CDH12: variants seen among roughly 807,000 people sequenced by gnomAD.
The protein encoded by CDH12 is cadherin-12.
In CDH12, 41 loss-of-function variants were observed where a neutral mutation model predicts 74.1. That is an observed-to-expected ratio of 0.55 (90% confidence interval 0.43 to 0.72). The LOEUF (loss-of-function observed/expected upper bound fraction) is 0.72, where lower values mean the gene tolerates loss of function less well. CDH12 is among the 30% of genes least tolerant of loss of function. CDH12 has a pLI of 0.00. For synonymous variants in CDH12, 399 were observed against 355.0 expected, an observed-to-expected ratio of 1.12 and a Z score of -1.39; for missense variants, 945 against 977.2, an observed-to-expected ratio of 0.97 and a Z score of 0.44.
chr5:22,729,151 T>G (rs1744307144), intron 1 of CDH12, among the ~76,000 whole-genome samples: 1 of 151,766 alleles, frequency 6.6e-6, no homozygotes, highest in Non-Finnish European at 1.5e-5. Context: ...TTTCTGTGGG[T>G]CAGAAATCAA....
intron 4 of CDH12, among the ~76,000 whole-genome samples, chr5:22,195,614 C>A (rs1750571931): frequency 6.6e-6 from 1 of 152,126 alleles, no homozygotes; most frequent in Non-Finnish European, 1.5e-5. Context: ...TCCTACTTTA[C>A]CTCATTTAAT....
At chr5:22,613,397 A>T (rs945134311) in intron 1 of CDH12, among the ~76,000 whole-genome samples, 1 of 152,054 alleles carries the variant, frequency 6.6e-6, no homozygotes, top group Non-Finnish European at 1.5e-5. Context: ...TTATTTTTAG[A>T]TGATTGTAAT....
intron 6 of CDH12, among the ~76,000 whole-genome samples, chr5:21,940,415 A>G (rs1755277287): frequency 6.6e-6 from 1 of 152,148 alleles, no homozygotes; most frequent in African/African-American, 2.4e-5. Context: ...TATAATTTAC[A>G]CTTATTGAAC....
intron 3 of CDH12, among the ~76,000 whole-genome samples, chr5:22,360,690 T>C (rs937598491): frequency 6.6e-6 from 1 of 152,130 alleles, no homozygotes; most frequent in Non-Finnish European, 1.5e-5. Context: ...AATAAAATAC[T>C]GGCAAACTGA....
chr5:22,806,872 G>A (rs1374257187), intron 1 of CDH12, among the ~76,000 whole-genome samples: 4 of 151,834 alleles, frequency 2.6e-5, no homozygotes, highest in African/African-American at 4.8e-5. Flanking sequence ...CTGGATATTA[G>A]CCCTTTGTCA....
chr5:21,943,277 A>G (rs1331439373), intron 6 of CDH12, among the ~76,000 whole-genome samples: 1 of 152,298 alleles, frequency 6.6e-6, no homozygotes, highest in South Asian at 2.1e-4. Context: ...TCTTTATATA[A>G]GATATACTTG....
At chr5:22,185,653 T>C (rs1749901774) in intron 4 of CDH12, among the ~76,000 whole-genome samples, 1 of 152,210 alleles carries the variant, frequency 6.6e-6, no homozygotes, top group South Asian at 2.1e-4. Context: ...CTAGTGCTTA[T>C]TTGTCATAAG....
chr5:22,681,555 A>G (rs1427979525), intron 1 of CDH12, among the ~76,000 whole-genome samples: 1 of 152,044 alleles, frequency 6.6e-6, no homozygotes, highest in Non-Finnish European at 1.5e-5. Flanking sequence ...ATTTTTAAGG[A>G]TGCTGCATAT....
At chr5:22,579,308 T>C (rs1419078455) in intron 1 of CDH12, among the ~76,000 whole-genome samples, 1 of 152,164 alleles carries the variant, frequency 6.6e-6, no homozygotes, top group Non-Finnish European at 1.5e-5. Context: ...GAATATCAGA[T>C]GTTATAAGGT....
intron 1 of CDH12, among the ~76,000 whole-genome samples, chr5:22,751,958 AT>A (rs5866590): frequency 6.6e-6 from 1 of 151,554 alleles, no homozygotes; most frequent in Non-Finnish European, 1.5e-5. Flanking sequence ...GCTATACTCT[AT>A]TTTTTTTGAA....
At chr5:21,864,761 C>T (rs1410858025) in intron 6 of CDH12, among the ~76,000 whole-genome samples, 1 of 152,106 alleles carries the variant, frequency 6.6e-6, no homozygotes, top group South Asian at 2.1e-4. Flanking sequence ...TCACCATGAA[C>T]ACAGTATTAA....
intron 1 of CDH12, among the ~76,000 whole-genome samples, chr5:22,599,665 T>C (rs1008906767): frequency 6.6e-6 from 1 of 152,124 alleles, no homozygotes; most frequent in Non-Finnish European, 1.5e-5. Context: ...TATGAAATAT[T>C]TGATGGAACT....
chr5:21,945,587 G>A (rs956665082), intron 6 of CDH12, among the ~76,000 whole-genome samples: 4 of 151,544 alleles, frequency 2.6e-5, no homozygotes, highest in African/African-American at 9.7e-5. Context: ...AATGACATAA[G>A]TTATAAAAAG....
intron 1 of CDH12, among the ~76,000 whole-genome samples, chr5:22,798,562 CAT>C (rs1249692356): frequency 6.6e-6 from 1 of 151,916 alleles, no homozygotes; most frequent in African/African-American, 2.4e-5. Context: ...TTATTTTTAT[CAT>C]ATGAGTTTCC....
intron 5 of CDH12, among the ~76,000 whole-genome samples, chr5:22,076,211 C>G (rs753463903): frequency 4.6e-5 from 7 of 151,994 alleles, no homozygotes; most frequent in Non-Finnish European, 8.8e-5. Context: ...TAGACTTACT[C>G]CTTTTTAATT....
intron 3 of CDH12, among the ~76,000 whole-genome samples, chr5:22,366,897 G>A (rs563261866): frequency 7.9e-5 from 12 of 152,166 alleles, no homozygotes; most frequent in African/African-American, 1.2e-4. Context: ...TGGATGTGTC[G>A]CTTTGTGAAA....
chr5:21,880,684 T>TTTCTTTCTTTCTTTCTTTCC (rs1561268943), intron 6 of CDH12, among the ~76,000 whole-genome samples: 1 of 133,348 alleles, frequency 7.5e-6, no homozygotes, highest in African/African-American at 2.7e-5. Context: ...TCTTTCTTTC[T>TTTCTTTCTTTCTTTCTTTCC]TTCTTTCTCT....
chr5:22,149,118 A>T (rs1339197212), intron 4 of CDH12, among the ~76,000 whole-genome samples: 1 of 152,116 alleles, frequency 6.6e-6, no homozygotes, highest in Non-Finnish European at 1.5e-5. Context: ...CTCCGTCTCA[A>T]AAAATAAATA....
chr5:21,855,852 C>G (rs1228848622), intron 6 of CDH12, among the ~76,000 whole-genome samples: 1 of 151,576 alleles, frequency 6.6e-6, no homozygotes, highest in Admixed American at 6.6e-5. Context: ...ACTATAGAAG[C>G]TAAAAGAATG....
Sources: allele counts gnomAD v4.1 joint callset (sites outside exome capture counted in the v4.1 genomes callset), GRCh38; gene constraint gnomAD v4.1.1; transcripts MANE v1.5; gene names NCBI Gene and HGNC (gene_info 2026-07-23, HGNC 2026-07-21).